The following LHFPL6 variants were observed in gnomAD, a reference collection of about 807,000 sequenced individuals.
LHFPL6 encodes the protein LHFPL tetraspan subfamily member 6 protein.
In LHFPL6, 9 loss-of-function variants were observed where a neutral mutation model predicts 20.6. The ratio of observed to expected loss-of-function variants is 0.44; its 90% CI spans 0.26 to 0.76. The LOEUF (loss-of-function observed/expected upper bound fraction) is 0.76, where lower values mean the gene tolerates loss of function less well. Among genes scored for constraint, LHFPL6 ranks in the 30% least tolerant of loss-of-function variants. The pLI, the probability that LHFPL6 is intolerant of heterozygous loss-of-function variation, is 0.20. For synonymous variants in LHFPL6, 105 were observed against 98.7 expected, an observed-to-expected ratio of 1.06 and a Z score of -0.38; for missense variants, 218 against 253.5, an observed-to-expected ratio of 0.86 and a Z score of 0.95.
chr13:39,446,813 C>T (rs1251334663), intron 2 of LHFPL6, among the ~76,000 whole-genome samples: 1 of 152,144 alleles, frequency 6.6e-6, no homozygotes, highest in East Asian at 1.9e-4. Flanking sequence ...TACATTTGCT[C>T]TGGTAAAGGT....
At chr13:39,523,950 A>C (rs1185021761) in intron 2 of LHFPL6, among the ~76,000 whole-genome samples, 1 of 152,226 alleles carries the variant, frequency 6.6e-6, no homozygotes, top group Non-Finnish European at 1.5e-5. Context: ...TTAACATTAA[A>C]AAGAAAAAAA....
chr13:39,417,836 C>A (rs749362840), intron 2 of LHFPL6, among the ~76,000 whole-genome samples: 7 of 152,142 alleles, frequency 4.6e-5, no homozygotes, highest in Non-Finnish European at 7.4e-5. Flanking sequence ...CAAATGGGCC[C>A]TGTGTCTGAG....
intron 2 of LHFPL6, among the ~76,000 whole-genome samples, chr13:39,545,905 T>C (rs567839915): frequency 2.6e-5 from 4 of 152,228 alleles, no homozygotes; most frequent in African/African-American, 9.6e-5. Context: ...GCTGCTTCTC[T>C]GCAAACAAAC....
At chr13:39,490,308 G>A (rs922279723) in intron 2 of LHFPL6, among the ~76,000 whole-genome samples, 4 of 152,166 alleles carry the variant, frequency 2.6e-5, no homozygotes, top group Admixed American at 6.5e-5. Flanking sequence ...CACAATACAA[G>A]CGCAAACCAA....
chr13:39,510,965 C>A (rs910942307), intron 2 of LHFPL6, among the ~76,000 whole-genome samples: 1 of 151,986 alleles, frequency 6.6e-6, no homozygotes, highest in Non-Finnish European at 1.5e-5. Context: ...CTCCGCCTCC[C>A]AGGTTCAAGC....
At chr13:39,588,455 C>T (rs1234113011) in intron 2 of LHFPL6, among the ~76,000 whole-genome samples, 1 of 152,084 alleles carries the variant, frequency 6.6e-6, no homozygotes, top group Non-Finnish European at 1.5e-5. Flanking sequence ...TAAATAGGGC[C>T]CTGCCATTCC....
rs190355589 is a variant in LHFPL6, at chr13:39,559,567, A to C, written c.385+41265T>G. Among the ~76,000 whole-genome samples, 595 of 152,336 alleles carry C rather than the reference A, an allele frequency of 3.9e-3. 6 individuals carry two copies. Among genetic ancestry groups the C allele is most frequent in the Non-Finnish European group, 6.9e-3 (467 of 68,024 alleles). ...CAAGGATAACATAGCTCAGAGAATA[A>C]GTGTGTAGATAAAAGCATTTAGTGA... On this transcript the variant is annotated intron_variant, in intron 2 of 3. Transcript: ENST00000379589.
intron 2 of LHFPL6, among the ~76,000 whole-genome samples, chr13:39,521,942 C>T (rs1252243232): frequency 1.3e-5 from 2 of 152,124 alleles, no homozygotes; most frequent in African/African-American, 2.4e-5. Flanking sequence ...ATGAAAGTGG[C>T]CCTGTCACTA....
At chr13:39,585,117 A>G (rs1457676606) in intron 2 of LHFPL6, among the ~76,000 whole-genome samples, 1 of 152,188 alleles carries the variant, frequency 6.6e-6, no homozygotes, top group African/African-American at 2.4e-5. Context: ...GATTACTGAG[A>G]GGGCAAACAG....
At chr13:39,563,183 CTT>C (rs960443068) in intron 2 of LHFPL6, among the ~76,000 whole-genome samples, 2 of 149,614 alleles carry the variant, frequency 1.3e-5, no homozygotes. Flanking sequence ...TTAAAAATGT[CTT>C]TTTAAAAAAA....
chr13:39,406,796 A>G (rs1323611557), intron 2 of LHFPL6, among the ~76,000 whole-genome samples: 2 of 152,322 alleles, frequency 1.3e-5, no homozygotes, highest in South Asian at 2.1e-4. Flanking sequence ...ATTTAATTTT[A>G]AGTCTTATAG....
intron 2 of LHFPL6, among the ~76,000 whole-genome samples, chr13:39,437,838 C>T (rs2138410995): frequency 6.7e-6 from 1 of 149,776 alleles, no homozygotes; most frequent in South Asian, 2.1e-4. Flanking sequence ...GGAGGCAGAG[C>T]TTGCAGTGAG....
At chr13:39,458,887 G>A (rs1280854285) in intron 2 of LHFPL6, among the ~76,000 whole-genome samples, 1 of 152,124 alleles carries the variant, frequency 6.6e-6, no homozygotes, top group South Asian at 2.1e-4. Flanking sequence ...AAATACCGAA[G>A]AAATAACTTG....
At chr13:39,366,180 T>A (rs1315229525) in intron 3 of LHFPL6, among the ~76,000 whole-genome samples, 1 of 152,202 alleles carries the variant, frequency 6.6e-6, no homozygotes, top group Non-Finnish European at 1.5e-5. Flanking sequence ...CACTCAGACT[T>A]AGAGTGATAA....
At chr13:39,511,554 CA>C (rs1869708156) in intron 2 of LHFPL6, among the ~76,000 whole-genome samples, 1 of 151,768 alleles carries the variant, frequency 6.6e-6, no homozygotes, top group South Asian at 2.1e-4. Flanking sequence ...CAACTAAAGT[CA>C]GGGGTAAAAA....
intron 2 of LHFPL6, among the ~76,000 whole-genome samples, chr13:39,583,984 C>T (rs1872368592): frequency 1.3e-5 from 2 of 152,134 alleles, no homozygotes; most frequent in South Asian, 4.1e-4. Context: ...TGTCAGGCCT[C>T]GACTCCAGCC....
intron 2 of LHFPL6, among the ~76,000 whole-genome samples, chr13:39,562,597 T>TACATATATACACATATAC (rs1871561172): frequency 3.5e-3 from 209 of 60,112 alleles, no homozygotes; most frequent in Non-Finnish European, 7.0e-3. Context: ...TATACATATA[T>TACATATATACACATATAC]ACACATATAC....
chr13:39,516,081 G>A (rs1869903272), intron 2 of LHFPL6, among the ~76,000 whole-genome samples: 1 of 152,116 alleles, frequency 6.6e-6, no homozygotes, highest in African/African-American at 2.4e-5. Context: ...GACTGTGGAG[G>A]CTAATTACGA....
rs1023815279 is a variant in LHFPL6, at chr13:39,394,834, A to G, written c.386-16308T>C. ...GCTCAAAGTCACAGTTAGTAAAAGAATCAGAAATGGAATGAAATCTTTTGT... is the reference window on the plus strand; with the variant it reads ...GCTCAAAGTCACAGTTAGTAAAAGAGTCAGAAATGGAATGAAATCTTTTGT... On this transcript the variant is annotated intron_variant, in intron 2 of 3. Transcript: ENST00000379589. Among the ~76,000 whole-genome samples the G allele has an allele frequency of 3.9e-5, 6 of 152,208 alleles. No individual in the cohort carries two copies. In the East Asian group the frequency reaches 7.7e-4, roughly 20 times the overall value.
Sources: gnomAD v4.1 joint callset for allele counts (sites outside exome capture counted in the v4.1 genomes callset) on GRCh38, gnomAD v4.1.1 for gene constraint, MANE v1.5 for transcripts, NCBI Gene and HGNC (gene_info 2026-07-23, HGNC 2026-07-21) for gene names.